Variants in OPN4 observed in about 807,000 individuals in gnomAD.
OPN4 encodes opsin 4.
In OPN4, 43 loss-of-function variants were observed where a neutral mutation model predicts 49.5. That is an observed-to-expected ratio of 0.87 (90% CI 0.68 to 1.12). The LOEUF (loss-of-function observed/expected upper bound fraction) is 1.12. Among genes scored for constraint, OPN4 ranks in the 50% most tolerant of loss-of-function variants. The pLI, the probability that OPN4 is intolerant of heterozygous loss-of-function variation, is 0.00. For synonymous variants in OPN4, 263 were observed against 258.0 expected (o/e 1.02, Z -0.19); for missense variants, 657 against 643.9 (o/e 1.02, Z -0.22).
chr10:86,666,112 G>T lies in OPN4; in HGVS notation c.*361G>T. Reference sequence around the variant, plus strand: ...TCCAGAGAACACACCAGCTATTTATGAGCCTCTGCCCCCAGGCTGGGCCTG... The same window carrying T: ...TCCAGAGAACACACCAGCTATTTATTAGCCTCTGCCCCCAGGCTGGGCCTG... On this transcript the variant is annotated 3_prime_UTR_variant, in exon 10 of 10. Transcript: ENST00000241891. 1 of 268,766 alleles carries T rather than the reference G, an allele frequency of 3.7e-6. No individual in the cohort carries two copies. The highest frequency in any genetic ancestry group is 7.1e-6 in the Non-Finnish European group (1 of 141,606). The allele number at this position is 268,766 out of a possible 1,614,324, so 16.6% of individuals were successfully genotyped here. A position where few individuals can be genotyped will look rare whatever the true frequency, so the allele number is the denominator to read the frequency against.
At chr10:86,662,016 T>C (rs1844019026) in intron 7 of OPN4, among the ~76,000 whole-genome samples, 1 of 152,058 alleles carries the variant, frequency 6.6e-6, no homozygotes, top group Non-Finnish European at 1.5e-5. Context: ...CCTGCATGCC[T>C]ACCACCCAGA....
intron 8 of OPN4, among the ~76,000 whole-genome samples, chr10:86,663,427 G>A (rs544630708): frequency 1.3e-5 from 2 of 152,272 alleles, no homozygotes; most frequent in East Asian, 3.9e-4. Flanking sequence ...TCTTAGCAAG[G>A]TGTGCCGGTG....
chr10:86,655,479 C>T (rs1843842493), intron 1 of OPN4, among the ~76,000 whole-genome samples: 1 of 152,154 alleles, frequency 6.6e-6, no homozygotes, highest in African/African-American at 2.4e-5. Context: ...AGGACAGAGA[C>T]CAAGCCACCC....
In OPN4 at chr10:86,663,835, G is replaced by A. The variant is rs867738308; in HGVS notation, c.1398+33G>A. ...GGCCCGGTACCTGCCAATCCACAAA[G>A]GGGTGGGGGTTAGGGGCCAGTAGCC... On this transcript the variant is annotated intron_variant, in intron 9 of 9. Coordinates refer to ENST00000241891, the MANE Select transcript of OPN4 (RefSeq NM_033282.4). 3 of 1,546,756 alleles carry A rather than the reference G, an allele frequency of 1.9e-6. No homozygotes were observed. In the Admixed American group the frequency reaches 5.9e-5, roughly 31 times the overall value.
At chr10:86,655,465 C>T (rs1333474670) in intron 1 of OPN4, among the ~76,000 whole-genome samples, 8 of 152,292 alleles carry the variant, frequency 5.3e-5, no homozygotes, top group East Asian at 1.9e-4. Context: ...GGGGCCACTG[C>T]GGCAGGACAG....
In OPN4 at chr10:86,664,016, A is replaced by ATG. The variant is rs34715539; in HGVS notation, c.1398+231_1398+232dup. 9.7e-3 allele frequency: 4,816 copies of ATG among 498,326 alleles called. 155 individuals are homozygous for ATG. Among genetic ancestry groups the ATG allele is most frequent in the African/African-American group, 0.081 (4,137 of 50,994 alleles). The allele number at this position is 498,326 out of a possible 1,614,324, so 30.9% of individuals were successfully genotyped here. On this transcript the variant is annotated intron_variant, in intron 9 of 9. Coordinates refer to ENST00000241891, the MANE Select transcript of OPN4 (RefSeq NM_033282.4). ...AGCAGGGCCTGCATATGGTCTGCAC[A>ATG]TGTGTGTGTGTGTGTGTGATCATGC...
chr10:86,665,844 C>T lies in OPN4; in HGVS notation c.*93C>T, dbSNP rs1589594691. On this transcript the variant is annotated 3_prime_UTR_variant, in exon 10 of 10. Coordinates refer to ENST00000241891, the MANE Select transcript of OPN4 (RefSeq NM_033282.4). ...GACCCAGGATTATGCTGTGAGCCTG[C>T]AGGCTTTGGAAGTGGCCCTGTCACC... 5 of 1,076,602 alleles carry T rather than the reference C, an allele frequency of 4.6e-6. No individual in the cohort carries two copies. The highest frequency in any genetic ancestry group is 3.1e-5 in the African/African-American group (2 of 64,454). The allele number at this position is 1,076,602 out of a possible 1,614,324, so 66.7% of individuals were successfully genotyped here.
chr10:86,661,026 C>T (rs920719025), intron 6 of OPN4, among the ~76,000 whole-genome samples: 12 of 152,070 alleles, frequency 7.9e-5, no homozygotes, highest in Admixed American at 5.9e-4. Flanking sequence ...ACTCCGGAGG[C>T]TGAGGCAGAA....
At chr10:86,662,563 C>T in intron 8 of OPN4, 131 bp downstream of exon 8, 1 of 864,936 alleles carries the variant, frequency 1.2e-6, no homozygotes, top group East Asian at 2.7e-5. Context: ...CGCTGGCACC[C>T]TGGCAGGAAG....
At chr10:86,657,488 G>C (rs1181563845) in intron 2 of OPN4, among the ~76,000 whole-genome samples, 3 of 152,156 alleles carry the variant, frequency 2.0e-5, no homozygotes, top group Non-Finnish European at 2.9e-5. Context: ...TGCAGGGCAG[G>C]GTCCAGGCAG....
rs1482798954 is a variant in OPN4, at chr10:86,661,264, C to T, written c.966-17C>T. The T allele has an allele frequency of 3.7e-6, 6 of 1,608,020 alleles. No individual in the cohort carries two copies. In the Admixed American group the frequency reaches 6.7e-5, roughly 18 times the overall value. The stretch of plus-strand genomic sequence containing the variant: ...GGAGGGCCAGCTAGCTTGGGGACCA[C>T]ACCTTCTCTGTCCTAGGTACGCACA... On this transcript the variant is annotated splice_polypyrimidine_tract_variant and intron_variant, in intron 6 of 9. Coordinates refer to ENST00000241891, the MANE Select transcript of OPN4 (RefSeq NM_033282.4).
chr10:86,662,976 T>G (rs1844050637), intron 8 of OPN4, among the ~76,000 whole-genome samples: 1 of 152,224 alleles, frequency 6.6e-6, no homozygotes, highest in South Asian at 2.1e-4. Flanking sequence ...CTCCACGTCC[T>G]CCTCTGAAAG....
Position 86,658,579 on chromosome 10 carries a change from C to T in OPN4, c.520C>T (p.Arg174Cys), listed in dbSNP as rs761241421. Residue 174 changes from arginine (R) to cysteine (C), a missense_variant, in exon 4 of 10, where the codon CGC becomes TGC. By Grantham distance (180) the Arg-to-Cys change is radical. Transcript: ENST00000241891. ...IALDRYLVIT[R>C]PLATFGVASK... is the part of the protein sequence containing the mutation. ...CCTGGACCGCTACCTGGTAATCACA[C>T]GCCCGCTGGCCACCTTTGGTGTGGC... The T allele has an allele frequency of 1.6e-5, 26 of 1,614,114 alleles. No homozygotes were observed. Among genetic ancestry groups the T allele is most frequent in the Middle Eastern group, 1.6e-4 (1 of 6,084 alleles).
rs527421661 is a variant in OPN4 at position 86,658,021 on chromosome 10, G to T, written c.291-11G>T. The stretch of plus-strand genomic sequence containing the variant: ...CAGGAAGCGCCTCCTAACAGCTTCT[G>T]ATCCTCCCAGGAGCAGAAGCCTCCG... On this transcript the variant is annotated splice_polypyrimidine_tract_variant and intron_variant, in intron 2 of 9. Coordinates refer to ENST00000241891, the MANE Select transcript of OPN4 (RefSeq NM_033282.4). The T allele has an allele frequency of 1.3e-4, 205 of 1,610,456 alleles. 2 individuals carry two copies. In the South Asian group the frequency reaches 2.2e-3, roughly 17 times the overall value.
In OPN4 at chr10:86,662,422, A is replaced by T. The variant is rs1411843918; in HGVS notation, c.1244A>T (p.Glu415Val). The T allele has an allele frequency of 2.6e-6, 4 of 1,549,656 alleles. No individual in the cohort carries two copies. Among genetic ancestry groups the T allele is most frequent in the Non-Finnish European group, 3.5e-6 (4 of 1,149,020 alleles). ...AGGCGCCAGGAGTCCCTGGGCTCGG[A>T]GAGTGAGGTGGTAAGGATGCTGGGC... ...IRRRQESLGS[E>V]SEVGWTHMEA... Residue 415 changes from glutamate to valine, a missense_variant, in exon 8 of 10, where the codon GAG becomes GTG. Glu to Val is a moderately radical substitution (Grantham distance 121). Transcript: ENST00000241891.
rs774775334 is a variant in OPN4, at chr10:86,658,553, C to A, written c.494C>A (p.Ala165Asp). ...TCCATGATCACCCTGACGGCCATCG[C>A]CCTGGACCGCTACCTGGTAATCACA... ...ISSMITLTAI[A>D]LDRYLVITRP... The change falls in exon 4 of 10, where the codon GCC becomes GAC. Residue 165 changes from alanine (A) to aspartate (D), a missense_variant. By Grantham distance (126) the Ala-to-Asp change is moderately radical (BLOSUM62 -2). Coordinates refer to ENST00000241891, the MANE Select transcript of OPN4 (RefSeq NM_033282.4). 2.5e-6 allele frequency: 4 copies of A among 1,614,232 alleles called. No individual in the cohort carries two copies. The highest frequency in any genetic ancestry group is 3.4e-6 in the Non-Finnish European group (4 of 1,180,046).
intron 4 of OPN4, 84 bp from the exon 5 acceptor site, chr10:86,659,213 C>A: frequency 1.8e-6 from 2 of 1,113,576 alleles, no homozygotes; most frequent in South Asian, 1.4e-5. Flanking sequence ...TATGGGGACC[C>A]GAATGCCACA....
At position 86,659,931 on chromosome 10, in the gene OPN4, C is replaced by A; in HGVS notation, c.837C>A (p.Gly279=). The change falls in exon 6 of 10, where the codon GGC becomes GGA. Residue 279 remains glycine, a synonymous_variant. Transcript: ENST00000241891. Reference sequence around the variant, plus strand: ...CCTTCGGGGCCTGCAAGGGCAATGGCGAGTCCCTGTGGCAGCGGCAGCGGC... The same window carrying A: ...CCTTCGGGGCCTGCAAGGGCAATGGAGAGTCCCTGTGGCAGCGGCAGCGGC... The part of the protein sequence containing the change: ...LQTFGACKGN[G]ESLWQRQRLQ... 3 of 1,614,174 alleles carry A rather than the reference C, an allele frequency of 1.9e-6. No homozygotes were observed. Among genetic ancestry groups the A allele is most frequent in the Non-Finnish European group, 2.5e-6 (3 of 1,179,992 alleles).
At chr10:86,658,430 A>C (rs1419936242) in intron 3 of OPN4, 54 bp from the exon 4 acceptor site, 1 of 1,577,210 alleles carries the variant, frequency 6.3e-7, no homozygotes, top group Non-Finnish European at 8.7e-7. Context: ...AGCAGAGTCT[A>C]CCCTGTCCCC....
Sources: allele counts gnomAD v4.1 joint callset (sites outside exome capture counted in the v4.1 genomes callset), GRCh38; gene constraint gnomAD v4.1.1; transcripts MANE v1.5; gene names NCBI Gene and HGNC (gene_info 2026-07-23, HGNC 2026-07-21).